NRG1: variants seen among roughly 807,000 people sequenced by gnomAD.
The protein encoded by NRG1 is neuregulin 1.
Under a neutral mutation model 63.8 loss-of-function variants are expected in NRG1, and 18 were observed. The observed-to-expected ratio is 0.28, with a 90% CI of 0.19 to 0.42. The LOEUF (loss-of-function observed/expected upper bound fraction) is 0.42, where lower values mean the gene tolerates loss of function less well. Among genes scored for constraint, NRG1 ranks in the 10% least tolerant of loss-of-function variants. NRG1 has a pLI of 1.00. For missense variants in NRG1, 762 were observed against 814.7 expected (o/e 0.94, Z 0.79); for synonymous variants, 302 against 301.3 (o/e 1.00, Z -0.02).
At chr8:31,807,401 G>C (rs1211651340) in intron 1 of NRG1, among the ~76,000 whole-genome samples, 2 of 152,130 alleles carry the variant, frequency 1.3e-5, no homozygotes, top group African/African-American at 4.8e-5. Context: ...TTTAGTGAAG[G>C]CAGGGTCTGT....
intron 1 of NRG1, among the ~76,000 whole-genome samples, chr8:31,717,902 A>G (rs1812518466): frequency 6.6e-6 from 1 of 152,182 alleles, no homozygotes; most frequent in Admixed American, 6.5e-5. Context: ...CCACTCTGGA[A>G]ACAGATTGCC....
chr8:32,496,628 T>TG (rs1563544850), intron 1 of NRG1, among the ~76,000 whole-genome samples: 2 of 151,896 alleles, frequency 1.3e-5, no homozygotes, highest in Non-Finnish European at 2.9e-5. Flanking sequence ...ATAGGTGTGT[T>TG]TGGGAGGGAG....
intron 1 of NRG1, among the ~76,000 whole-genome samples, chr8:31,954,295 C>T (rs896662150): frequency 2.6e-5 from 4 of 152,100 alleles, no homozygotes; most frequent in African/African-American, 7.2e-5. Context: ...TCTCAGGTCC[C>T]ATAGCTAGTC....
intron 1 of NRG1, among the ~76,000 whole-genome samples, chr8:32,559,083 G>GAAAAA (rs35947086): frequency 2.3e-5 from 2 of 86,798 alleles, no homozygotes; most frequent in Non-Finnish European, 4.2e-5. Context: ...TTGTCTCAGC[G>GAAAAA]AAAAAAAAAA....
At chr8:32,726,201 A>G (rs1822138232) in intron 5 of NRG1, among the ~76,000 whole-genome samples, 1 of 152,172 alleles carries the variant, frequency 6.6e-6, no homozygotes, top group African/African-American at 2.4e-5. Context: ...AAAAATAAAT[A>G]AATAGCATAC....
chr8:32,363,543 A>G (rs989300), intron 1 of NRG1, among the ~76,000 whole-genome samples: 152,286 of 152,308 alleles, frequency 1, 76,132 homozygotes, highest in Middle Eastern at 1. Context: ...ACTCACCCTC[A>G]GTGTTAACTT....
chr8:32,626,829 T>C lies in NRG1; in HGVS notation c.502+9944T>C, dbSNP rs560686200. Reference sequence around the variant, plus strand: ...TGAAGTCAGGAATTTGAGACCAGCCTGGCCGACATGGTGAAACCCTGTCTC... The same window carrying C: ...TGAAGTCAGGAATTTGAGACCAGCCCGGCCGACATGGTGAAACCCTGTCTC... On this transcript the variant is annotated intron_variant, in intron 5 of 11. Coordinates refer to ENST00000356819, the Ensembl canonical transcript of NRG1. 3.2e-3 allele frequency among the ~76,000 whole-genome samples: 480 copies of C among 152,096 alleles called. 4 individuals carry two copies. Among genetic ancestry groups the C allele is most frequent in the African/African-American group, 0.011 (459 of 41,492 alleles).
chr8:32,276,743 G>T (rs914699027), intron 1 of NRG1, among the ~76,000 whole-genome samples: 1 of 152,104 alleles, frequency 6.6e-6, no homozygotes, highest in African/African-American at 2.4e-5. Flanking sequence ...AAATAGTGGG[G>T]AAATAGGATC....
intron 1 of NRG1, among the ~76,000 whole-genome samples, chr8:32,157,886 T>C (rs573649684): frequency 2.0e-5 from 3 of 151,988 alleles, no homozygotes; most frequent in Admixed American, 2.0e-4. Context: ...TAATTACAAT[T>C]GGGACAGGAA....
chr8:32,750,805 TCCAAAGAG>T (rs1828573848), intron 7 of NRG1, among the ~76,000 whole-genome samples: 1 of 150,346 alleles, frequency 6.7e-6, no homozygotes, highest in Non-Finnish European at 1.5e-5. Flanking sequence ...GCAGAACATC[TCCAAAGAG>T]GGAGAAACAC....
chr8:31,959,458 C>T lies in NRG1; in HGVS notation c.37+320027C>T, dbSNP rs1190829782. On this transcript the variant is annotated intron_variant, in intron 1 of 10. Transcript: ENST00000519301. The stretch of plus-strand genomic sequence containing the variant: ...GGCTTCACCAATCCTGTCTGTGGTT[C>T]AGCATCACCAGGCAATACCAATTTG... 2.0e-4 allele frequency among the ~76,000 whole-genome samples: 31 copies of T among 152,124 alleles called. 1 individual carries two copies. The highest frequency in any genetic ancestry group is 2.9e-5 in the Non-Finnish European group (2 of 68,026).
chr8:31,909,949 T>C (rs1385267351), intron 1 of NRG1, among the ~76,000 whole-genome samples: 1 of 152,180 alleles, frequency 6.6e-6, no homozygotes, highest in Non-Finnish European at 1.5e-5. Context: ...ACATGGCAGA[T>C]GTGGCATTTA....
At chr8:31,682,411 A>G (rs1468347087) in intron 1 of NRG1, among the ~76,000 whole-genome samples, 1 of 152,172 alleles carries the variant, frequency 6.6e-6, no homozygotes, top group Non-Finnish European at 1.5e-5. Context: ...CAACAAATAA[A>G]GGAAATAACT....
At chr8:32,175,618 G>A (rs935154930) in intron 1 of NRG1, among the ~76,000 whole-genome samples, 11 of 152,188 alleles carry the variant, frequency 7.2e-5, no homozygotes, top group African/African-American at 1.4e-4. Context: ...TAAGCTGATA[G>A]GCAACTTCAG....
chr8:32,230,682 G>A (rs1251395422), intron 1 of NRG1, among the ~76,000 whole-genome samples: 2 of 152,028 alleles, frequency 1.3e-5, no homozygotes, highest in Non-Finnish European at 2.9e-5. Flanking sequence ...AAAAACAAGA[G>A]TATAAATGAA....
rs1324668162 is a variant in NRG1, at chr8:31,640,750, G to A, written c.37+1319G>A. 2 of 1,501,482 alleles carry A rather than the reference G, an allele frequency of 1.3e-6. No homozygotes were observed. The highest frequency in any genetic ancestry group is 8.9e-7 in the Non-Finnish European group (1 of 1,124,242). The allele number at this position is 1,501,482 out of a possible 1,614,324, so 93.0% of individuals were successfully genotyped here. On this transcript the variant is annotated intron_variant, in intron 1 of 10. Transcript: ENST00000519301. The surrounding 1 kb of genome is among the most constrained non-coding windows in gnomAD (Gnocchi z 6.3). Reference sequence around the variant, plus strand: ...GTGCGGTAAGTTCCTCGCCCTTGGGGGCGCGAACCCGCGGCGAGGAGGGCG... The same window carrying A: ...GTGCGGTAAGTTCCTCGCCCTTGGGAGCGCGAACCCGCGGCGAGGAGGGCG...
intron 1 of NRG1, among the ~76,000 whole-genome samples, chr8:32,077,756 T>C (rs1826813444): frequency 6.6e-6 from 1 of 152,164 alleles, no homozygotes; most frequent in Non-Finnish European, 1.5e-5. Flanking sequence ...TGAATATGCT[T>C]AGAATTTTTG....
intron 1 of NRG1, among the ~76,000 whole-genome samples, chr8:32,075,896 C>T (rs1420031244): frequency 6.6e-6 from 1 of 152,202 alleles, no homozygotes; most frequent in Non-Finnish European, 1.5e-5. Flanking sequence ...TGGTCTCAAA[C>T]TCTTGACCTC....
At chr8:32,014,344 G>GCT (rs969247788) in intron 1 of NRG1, among the ~76,000 whole-genome samples, 1 of 151,960 alleles carries the variant, frequency 6.6e-6, no homozygotes, top group Non-Finnish European at 1.5e-5. Context: ...TCATGATTTG[G>GCT]CTCTGTTTGT....
Sources: gnomAD v4.1 joint callset for allele counts (sites outside exome capture counted in the v4.1 genomes callset) on GRCh38, gnomAD v4.1.1 for gene constraint, Gnocchi (gnomAD v3.1) non-coding constraint, MANE v1.5 for transcripts, NCBI Gene and HGNC (gene_info 2026-07-23, HGNC 2026-07-21) for gene names.